L3MBTL4: variants seen among roughly 807,000 people sequenced by gnomAD.
L3MBTL4 encodes L3MBTL histone methyl-lysine binding protein 4, also known as lethal(3)malignant brain tumor-like protein 4.
A neutral mutation model predicts 84.5 loss-of-function variants in L3MBTL4; 70 were observed. That is an observed-to-expected ratio of 0.83 (90% CI 0.68 to 1.01). The LOEUF (loss-of-function observed/expected upper bound fraction) is 1.01, where lower values mean the gene tolerates loss of function less well. L3MBTL4 is among the 50% of genes least tolerant of loss of function. The pLI, the probability that L3MBTL4 is intolerant of heterozygous loss-of-function variation, is 0.00. For synonymous variants in L3MBTL4, 274 were observed against 259.8 expected (o/e 1.05, Z -0.52); for missense variants, 715 against 754.8 (o/e 0.95, Z 0.62).
chr18:6,335,957 G>C (rs753103736), intron 1 of L3MBTL4, among the ~76,000 whole-genome samples: 46 of 152,276 alleles, frequency 3.0e-4, no homozygotes, highest in Admixed American at 6.5e-4. Flanking sequence ...GCTGTATGTA[G>C]TCACTCCTTA....
intron 1 of L3MBTL4, among the ~76,000 whole-genome samples, chr18:6,379,724 T>C (rs1234516858): frequency 6.6e-6 from 1 of 152,244 alleles, no homozygotes; most frequent in Non-Finnish European, 1.5e-5. Flanking sequence ...TTTGCCAGTA[T>C]TTTATTGAGG....
At chr18:6,081,539 T>C (rs185468785) in intron 15 of L3MBTL4, among the ~76,000 whole-genome samples, 1 of 152,194 alleles carries the variant, frequency 6.6e-6, no homozygotes, top group Non-Finnish European at 1.5e-5. Flanking sequence ...GGATTGCTAA[T>C]TAGTCAGTAA....
chr18:6,362,056 C>T (rs951774541), intron 1 of L3MBTL4, among the ~76,000 whole-genome samples: 2 of 150,224 alleles, frequency 1.3e-5, no homozygotes, highest in African/African-American at 4.9e-5. Context: ...TTGCAGTGAG[C>T]CATGATCACA....
At chr18:6,121,728 G>C (rs1236151010) in intron 14 of L3MBTL4, among the ~76,000 whole-genome samples, 1 of 151,074 alleles carries the variant, frequency 6.6e-6, no homozygotes, top group African/African-American at 2.4e-5. Flanking sequence ...GTATGTGTGT[G>C]TGCATGTTTG....
At chr18:6,115,457 C>G (rs901897549) in intron 14 of L3MBTL4, among the ~76,000 whole-genome samples, 5 of 152,176 alleles carry the variant, frequency 3.3e-5, no homozygotes, top group African/African-American at 1.2e-4. Flanking sequence ...TGACATCTCA[C>G]TTTACAGGTT....
chr18:6,127,731 A>G (rs1024811053), intron 14 of L3MBTL4, among the ~76,000 whole-genome samples: 3 of 152,188 alleles, frequency 2.0e-5, no homozygotes, highest in African/African-American at 7.2e-5. Context: ...AAAACACACC[A>G]GGAAAAGTTT....
chr18:6,401,604 A>G (rs1215415164), intron 1 of L3MBTL4, among the ~76,000 whole-genome samples: 1 of 152,238 alleles, frequency 6.6e-6, no homozygotes, highest in Non-Finnish European at 1.5e-5. Flanking sequence ...ATTACAGCCA[A>G]ACTATATATG....
chr18:6,001,066 A>G (rs2054189673), intron 16 of L3MBTL4, among the ~76,000 whole-genome samples: 1 of 152,230 alleles, frequency 6.6e-6, no homozygotes. Flanking sequence ...GCCCTGTGGC[A>G]GGCAGCTGTG....
intron 1 of L3MBTL4, among the ~76,000 whole-genome samples, chr18:6,375,746 G>A (rs1206509753): frequency 1.3e-5 from 2 of 152,120 alleles, no homozygotes; most frequent in Non-Finnish European, 2.9e-5. Context: ...AACCCAAAAA[G>A]AATGGGGTGG....
intron 4 of L3MBTL4, among the ~76,000 whole-genome samples, chr18:6,283,900 C>T (rs2146611338): frequency 6.6e-6 from 1 of 152,342 alleles, no homozygotes; most frequent in Admixed American, 6.5e-5. Flanking sequence ...AAAGAAGTCA[C>T]TCTTCAGAAG....
At chr18:6,048,729 C>A (rs1249298097) in intron 16 of L3MBTL4, among the ~76,000 whole-genome samples, 4 of 150,666 alleles carry the variant, frequency 2.7e-5, no homozygotes, top group African/African-American at 9.8e-5. Flanking sequence ...GCGGAGGCTG[C>A]AGTGAGCCAA....
chr18:6,159,683 C>T (rs530487943), intron 13 of L3MBTL4, among the ~76,000 whole-genome samples: 1 of 152,300 alleles, frequency 6.6e-6, no homozygotes, highest in East Asian at 1.9e-4. Flanking sequence ...GAAGGGCCAG[C>T]ACCACCAGGC....
intron 1 of L3MBTL4, among the ~76,000 whole-genome samples, chr18:6,370,402 G>A (rs1057245823): frequency 3.9e-5 from 6 of 152,214 alleles, no homozygotes; most frequent in Non-Finnish European, 8.8e-5. Flanking sequence ...GAGCAATGAA[G>A]TCAGCTTTTG....
intron 1 of L3MBTL4, among the ~76,000 whole-genome samples, chr18:6,342,090 G>C (rs545653339): frequency 1.3e-5 from 2 of 152,244 alleles, no homozygotes; most frequent in East Asian, 1.9e-4. Context: ...AAAGCTGTGG[G>C]AGTTCATCAT....
chr18:6,031,549 C>T (rs1358273884), intron 16 of L3MBTL4: 29 of 967,682 alleles, frequency 3.0e-5, no homozygotes, highest in Middle Eastern at 5.2e-4. Flanking sequence ...TCAGGTGGGC[C>T]GGTCAGTTCT....
At chr18:6,160,551 G>A (rs2043287453) in intron 13 of L3MBTL4, among the ~76,000 whole-genome samples, 1 of 152,054 alleles carries the variant, frequency 6.6e-6, no homozygotes. Context: ...GGCCAACATG[G>A]TGAAACCCAG....
chr18:6,078,272 A>G (rs2057931045), intron 16 of L3MBTL4, among the ~76,000 whole-genome samples: 1 of 151,648 alleles, frequency 6.6e-6, no homozygotes, highest in South Asian at 2.1e-4. Flanking sequence ...GCTAAACTAC[A>G]AAAAGTTAGC....
In L3MBTL4 at chr18:6,024,413, T is replaced by C. The variant is rs929553192; in HGVS notation, c.1445-54851A>G. Among the ~76,000 whole-genome samples the C allele has an allele frequency of 4.6e-5, 7 of 152,312 alleles. No homozygotes were observed. In the East Asian group the frequency reaches 5.8e-4, roughly 13 times the overall value. On this transcript the variant is annotated intron_variant, in intron 16 of 18. Transcript: ENST00000317931. The stretch of plus-strand genomic sequence containing the variant: ...TTTTGCAGCTATCTTTGTACTACAA[T>C]ACAAATACAACATTTACACTTACAT...
At chr18:6,058,855 A>G (rs1182389095) in intron 16 of L3MBTL4, among the ~76,000 whole-genome samples, 4 of 152,320 alleles carry the variant, frequency 2.6e-5, no homozygotes, top group South Asian at 2.1e-4. Context: ...ACAATTCCCT[A>G]TCACCTTGCC....
Sources: gnomAD v4.1 joint callset for allele counts (sites outside exome capture counted in the v4.1 genomes callset) on GRCh38, gnomAD v4.1.1 for gene constraint, MANE v1.5 for transcripts, NCBI Gene and HGNC (gene_info 2026-07-23, HGNC 2026-07-21) for gene names.